The following MYO16 variants were observed in gnomAD, a reference collection of about 807,000 sequenced individuals.
MYO16 encodes unconventional myosin-XVI.
In MYO16, 94 loss-of-function variants were observed where a neutral mutation model predicts 205.3. The ratio of observed to expected loss-of-function variants is 0.46; its 90% confidence interval spans 0.39 to 0.54. The LOEUF (loss-of-function observed/expected upper bound fraction) is 0.54, where lower values mean the gene tolerates loss of function less well. Ranked by LOEUF, MYO16 falls within the 20% of genes least tolerant of loss-of-function variation. The pLI is 0.00. For missense variants in MYO16, 2,315 were observed against 2,387.5 expected, an observed-to-expected ratio of 0.97 and a Z score of 0.63; for synonymous variants, 988 against 954.0, an observed-to-expected ratio of 1.04 and a Z score of -0.66.
At chr13:108,884,527 C>T (rs1879766665) in intron 13 of MYO16, among the ~76,000 whole-genome samples, 1 of 152,060 alleles carries the variant, frequency 6.6e-6, no homozygotes, top group Non-Finnish European at 1.5e-5. Flanking sequence ...ATGAGAAAAG[C>T]ACTGAGGCAG....
At chr13:108,749,803 T>A (rs1010985615) in intron 4 of MYO16, among the ~76,000 whole-genome samples, 2 of 152,254 alleles carry the variant, frequency 1.3e-5, no homozygotes, top group African/African-American at 4.8e-5. Flanking sequence ...TGAAAACTTA[T>A]GGCCATTTAA....
intron 1 of MYO16, among the ~76,000 whole-genome samples, chr13:108,649,018 T>C (rs2139396492): frequency 6.8e-6 from 1 of 147,136 alleles, no homozygotes; most frequent in South Asian, 2.2e-4. Flanking sequence ...AGAGAGGGCA[T>C]TAAAAAAATA....
chr13:108,596,697 A>G (rs1878575685), intron 1 of MYO16, among the ~76,000 whole-genome samples: 2 of 152,250 alleles, frequency 1.3e-5, no homozygotes, highest in South Asian at 4.1e-4. Flanking sequence ...TGTGTCATAC[A>G]ATTAAAACTG....
chr13:109,087,797 G>A (rs1195167510), intron 27 of MYO16, among the ~76,000 whole-genome samples: 1 of 152,212 alleles, frequency 6.6e-6, no homozygotes, highest in Non-Finnish European at 1.5e-5. Flanking sequence ...AAAGATAGGA[G>A]GTCAGACTGA....
intron 28 of MYO16, among the ~76,000 whole-genome samples, chr13:109,115,512 T>A (rs1483236127): frequency 6.6e-6 from 1 of 152,188 alleles, no homozygotes; most frequent in East Asian, 1.9e-4. Flanking sequence ...TTGGAGAACA[T>A]TTTAACCTCT....
At position 108,745,969 on chromosome 13, in the gene MYO16, C is replaced by T. The variant is rs374913721; in HGVS notation, c.507+18386C>T. Reference sequence around the variant, plus strand: ...TTGGGAGGCCGAGGCGGGCAGATCACGAGGTCAGGAGAACGAGACCATCCT... The same window carrying T: ...TTGGGAGGCCGAGGCGGGCAGATCATGAGGTCAGGAGAACGAGACCATCCT... On this transcript the variant is annotated intron_variant, in intron 4 of 34. Transcript: ENST00000457511. Among the ~76,000 whole-genome samples the T allele has an allele frequency of 6.4e-4, 98 of 152,008 alleles. No homozygotes were observed. The South Asian group carries it at 0.014, about 22-fold the overall frequency.
At chr13:109,139,986 T>C (rs1054131428) in intron 31 of MYO16, among the ~76,000 whole-genome samples, 1 of 152,056 alleles carries the variant, frequency 6.6e-6, no homozygotes, top group Non-Finnish European at 1.5e-5. Flanking sequence ...GAAGTGGTGG[T>C]CTCCTTCCTC....
chr13:108,762,063 A>G (rs1885626714), intron 4 of MYO16, among the ~76,000 whole-genome samples: 1 of 152,164 alleles, frequency 6.6e-6, no homozygotes, highest in South Asian at 2.1e-4. Context: ...TGTACACATG[A>G]ATTAGCTCCC....
chr13:109,015,479 A>G (rs1594470981), intron 22 of MYO16, among the ~76,000 whole-genome samples: 1 of 152,180 alleles, frequency 6.6e-6, no homozygotes, highest in East Asian at 1.9e-4. Context: ...GGCCTCATCA[A>G]ATGAGTTATG....
At chr13:108,557,500 C>G in the MYO16 span, among the ~76,000 whole-genome samples, 1 of 152,034 alleles carries the variant, frequency 6.6e-6, no homozygotes, top group Non-Finnish European at 1.5e-5. Flanking sequence ...AAAAGTTTCA[C>G]AAAACAATAT....
intron 16 of MYO16, among the ~76,000 whole-genome samples, chr13:108,927,093 G>A (rs2139280326): frequency 6.6e-6 from 1 of 151,736 alleles, no homozygotes; most frequent in Admixed American, 6.6e-5. Context: ...GTGAACAGAG[G>A]TGAAGCCATC....
At chr13:108,532,803 T>A in the MYO16 span, among the ~76,000 whole-genome samples, 1 of 151,868 alleles carries the variant, frequency 6.6e-6, no homozygotes, top group African/African-American at 2.4e-5. Flanking sequence ...AATAAATAAA[T>A]ATTACAAAAT....
chr13:109,139,101 C>T (rs1876914580), intron 31 of MYO16, among the ~76,000 whole-genome samples: 3 of 152,086 alleles, frequency 2.0e-5, no homozygotes, highest in Admixed American at 2.0e-4. Context: ...ACTACAAGTG[C>T]CCGCCACCAC....
the MYO16 span, among the ~76,000 whole-genome samples, chr13:108,540,857 T>C: frequency 6.6e-6 from 1 of 152,146 alleles, no homozygotes; most frequent in Non-Finnish European, 1.5e-5. Flanking sequence ...GTAACCTCAA[T>C]GTCAGCCAAG....
intron 27 of MYO16, among the ~76,000 whole-genome samples, chr13:109,093,526 A>G (rs930631450): frequency 8.5e-5 from 13 of 152,152 alleles, no homozygotes; most frequent in African/African-American, 2.9e-4. Context: ...TTTGCTTCTC[A>G]GTCACAGTAT....
intron 32 of MYO16, among the ~76,000 whole-genome samples, chr13:109,146,110 A>G (rs1398138687): frequency 6.6e-6 from 1 of 152,242 alleles, no homozygotes; most frequent in Non-Finnish European, 1.5e-5. Flanking sequence ...AAATTTACCT[A>G]TAAAAGAGCA....
At chr13:108,858,359 A>G (rs1227485105) in intron 11 of MYO16, among the ~76,000 whole-genome samples, 1 of 152,238 alleles carries the variant, frequency 6.6e-6, no homozygotes, top group Non-Finnish European at 1.5e-5. Context: ...GAAAATCACT[A>G]GTTTAACAGA....
intron 2 of MYO16, 65 bp downstream of exon 2, chr13:108,666,214 T>G (rs550230231): frequency 6.7e-7 from 1 of 1,492,062 alleles, no homozygotes; most frequent in Non-Finnish European, 9.0e-7. Flanking sequence ...TTTGTTGGTT[T>G]GTTGTTTTTT....
rs146955371 is a variant in MYO16 at position 109,040,385 on chromosome 13, C to CAGAGAGAGAGAGAGAGAGAGAGAGAGAG, written c.2797-6527_2797-6500dup. Among the ~76,000 whole-genome samples, 78 of 113,254 alleles carry CAGAGAGAGAGAGAGAGAGAGAGAGAGAG rather than the reference C, an allele frequency of 6.9e-4. 1 individual carries two copies. Among genetic ancestry groups the CAGAGAGAGAGAGAGAGAGAGAGAGAGAG allele is most frequent in the East Asian group, 3.3e-3 (6 of 1,818 alleles). 74.3% of individuals were successfully genotyped at this position (113,254 alleles called of 152,430 possible). A position where few individuals can be genotyped will look rare whatever the true frequency, so the allele number is the denominator to read the frequency against. Reference sequence around the variant, plus strand: ...ATACACACACACACACACACACACACAGAGAGAGAGAGAGAGAGAGAGAGA... The same window carrying CAGAGAGAGAGAGAGAGAGAGAGAGAGAG: ...ATACACACACACACACACACACACACAGAGAGAGAGAGAGAGAGAGAGAGAGAGAGAGAGAGAGAGAGAGAGAGAGAGA... On this transcript the variant is annotated intron_variant, in intron 23 of 34. Coordinates refer to ENST00000457511, the MANE Select transcript of MYO16 (RefSeq NM_001198950.3).
Sources: gnomAD v4.1 joint callset for allele counts (sites outside exome capture counted in the v4.1 genomes callset) on GRCh38, gnomAD v4.1.1 for gene constraint, MANE v1.5 for transcripts, NCBI Gene and HGNC (gene_info 2026-07-23, HGNC 2026-07-21) for gene names.